The following FKBP5 variants were observed in gnomAD, a reference collection of about 807,000 sequenced individuals.
The protein encoded by FKBP5 is peptidyl-prolyl cis-trans isomerase FKBP5.
FKBP5 carries 23 observed loss-of-function variants against 50.5 expected under a neutral mutation model. That is an observed-to-expected ratio of 0.46 (90% confidence interval 0.33 to 0.65). FKBP5 has a LOEUF of 0.65. Among genes scored for constraint, FKBP5 ranks in the 30% least tolerant of loss-of-function variants. The pLI is 0.02. For missense variants in FKBP5, 411 were observed against 553.1 expected, an observed-to-expected ratio of 0.74 and a Z score of 2.58; for synonymous variants, 176 against 190.6, an observed-to-expected ratio of 0.92 and a Z score of 0.63.
At chr6:35,706,869 G>GC (rs1297886690) in intron 2 of FKBP5, among the ~76,000 whole-genome samples, 1 of 152,118 alleles carries the variant, frequency 6.6e-6, no homozygotes, top group African/African-American at 2.4e-5. Flanking sequence ...TTCAACATAT[G>GC]CAACAATTTA....
chr6:35,625,601 T>C lies in FKBP5; in HGVS notation c.251-5327A>G, dbSNP rs187516881. ...AATACAAAAAATTAGCCGGGCGTGG[T>C]GGTGAGTGCCTGTAGTCCCAGCTAC... On this transcript the variant is annotated intron_variant, in intron 3 of 10. Transcript: ENST00000357266. Among the ~76,000 whole-genome samples, 635 of 148,360 alleles carry C rather than the reference T, an allele frequency of 4.3e-3. 5 individuals are homozygous for C. Among genetic ancestry groups the C allele is most frequent in the African/African-American group, 0.015 (588 of 40,482 alleles).
At chr6:35,668,964 T>C (rs1211741056) in intron 1 of FKBP5, among the ~76,000 whole-genome samples, 1 of 152,100 alleles carries the variant, frequency 6.6e-6, no homozygotes, top group Non-Finnish European at 1.5e-5. Context: ...AACTAAAGAC[T>C]CCTGTAGGAA....
At chr6:35,722,667 C>G (rs1180974460) in intron 1 of FKBP5, among the ~76,000 whole-genome samples, 1 of 152,214 alleles carries the variant, frequency 6.6e-6, no homozygotes, top group South Asian at 2.1e-4. Flanking sequence ...GGCTGCTTCA[C>G]GCCTGTGTGC....
At position 35,635,666 on chromosome 6, in the gene FKBP5, T is replaced by C. The variant is rs567841747; in HGVS notation, c.250+1348A>G. On this transcript the variant is annotated intron_variant, in intron 3 of 10. Coordinates refer to ENST00000357266, the MANE Select transcript of FKBP5 (RefSeq NM_004117.4). Reference sequence around the variant, plus strand: ...CCCCATGTTAATATAAGTAATTTAATTTTGTACAAAGTATTTGTATATTTT... The same window carrying C: ...CCCCATGTTAATATAAGTAATTTAACTTTGTACAAAGTATTTGTATATTTT... Among the ~76,000 whole-genome samples the C allele has an allele frequency of 2.6e-5, 4 of 152,254 alleles. No homozygotes were observed. In the East Asian group the frequency reaches 7.7e-4, roughly 29 times the overall value.
intron 1 of FKBP5, among the ~76,000 whole-genome samples, chr6:35,669,079 CTAAG>C (rs1050212694): frequency 6.6e-6 from 1 of 152,134 alleles, no homozygotes; most frequent in Non-Finnish European, 1.5e-5. Context: ...CTTCTCAACT[CTAAG>C]AAAGCTATAG....
chr6:35,612,268 G>A (rs1247664329), intron 5 of FKBP5, among the ~76,000 whole-genome samples: 2 of 152,162 alleles, frequency 1.3e-5, no homozygotes, highest in African/African-American at 4.8e-5. Context: ...GCACGTGCCT[G>A]TAGTCCTAGC....
At chr6:35,608,293 G>A (rs1309217772) in intron 5 of FKBP5, among the ~76,000 whole-genome samples, 1 of 151,848 alleles carries the variant, frequency 6.6e-6, no homozygotes, top group East Asian at 1.9e-4. Context: ...TTCAATAGAA[G>A]CCCAAACCTC....
intron 7 of FKBP5, among the ~76,000 whole-genome samples, chr6:35,588,047 C>T (rs1331268465): frequency 4.0e-5 from 6 of 149,148 alleles, no homozygotes; most frequent in East Asian, 1.9e-4. Flanking sequence ...TTTTTTGAGA[C>T]GGAGTTTCGC....
rs1034843794 is a variant in FKBP5 at position 35,573,934 on chromosome 6, G to A, written c.*1901C>T. ...AGACAGCTGGCATCATCTGAGTCTT[G>A]GAATAGCTTTCTTGTTTGTTATCTG... On this transcript the variant is annotated 3_prime_UTR_variant, in exon 11 of 11. Transcript: ENST00000357266. 6.6e-6 allele frequency: 1 copy of A among 152,112 alleles called. No homozygotes were observed. The highest frequency in any genetic ancestry group is 6.6e-5 in the Admixed American group (1 of 15,262). The allele number at this position is 152,112 out of a possible 1,614,324, so 9.4% of individuals were successfully genotyped here.
rs11333201 is a variant in FKBP5, at chr6:35,662,449, A to AT, written c.-19-19607dup. Among the ~76,000 whole-genome samples the AT allele has an allele frequency of 3.5e-3, 482 of 135,976 alleles. 4 individuals carry two copies. Among genetic ancestry groups the AT allele is most frequent in the Admixed American group, 0.01 (136 of 13,582 alleles). 89.2% of individuals were successfully genotyped at this position (135,976 alleles called of 152,430 possible). ...ACAACCACACCCAGCTAATTTTTTA[A>AT]TTTTTTTTTTTTTTTGTAGAGACAA... On this transcript the variant is annotated intron_variant, in intron 1 of 10. Coordinates refer to ENST00000357266, the MANE Select transcript of FKBP5 (RefSeq NM_004117.4).
rs1053008981 is a variant in FKBP5, at chr6:35,637,763, T to C, written c.106-605A>G. Among the ~76,000 whole-genome samples, 3 of 152,070 alleles carry C rather than the reference T, an allele frequency of 2.0e-5. No individual in the cohort carries two copies. The East Asian group carries it at 5.8e-4, about 29-fold the overall frequency. ...AAGCATGAGCCACCGCGCCCGACAC[T>C]AAACTCTCTAACACAGGCTTGTGAG... is the stretch of plus-strand genomic sequence containing the variant. On this transcript the variant is annotated intron_variant, in intron 2 of 10. Coordinates refer to ENST00000357266, the MANE Select transcript of FKBP5 (RefSeq NM_004117.4).
chr6:35,623,533 T>C lies in FKBP5; in HGVS notation c.251-3259A>G, dbSNP rs180706998. Among the ~76,000 whole-genome samples the C allele has an allele frequency of 1.7e-3, 260 of 152,284 alleles. 2 individuals are homozygous for C. Among genetic ancestry groups the C allele is most frequent in the Middle Eastern group, 0.014 (4 of 294 alleles). ...AAGGTGATATGCATTTTAAATTTGA[T>C]AGTTATTGCCCAACTGTCTTTACGA... On this transcript the variant is annotated intron_variant, in intron 3 of 10. Coordinates refer to ENST00000357266, the MANE Select transcript of FKBP5 (RefSeq NM_004117.4).
At chr6:35,694,601 C>G (rs1766053634) in intron 2 of FKBP5, among the ~76,000 whole-genome samples, 1 of 152,170 alleles carries the variant, frequency 6.6e-6, no homozygotes, top group African/African-American at 2.4e-5. Context: ...GGGGCACCAG[C>G]AGTCTGGGAT....
At chr6:35,667,057 G>A (rs1163271517) in intron 1 of FKBP5, among the ~76,000 whole-genome samples, 4 of 132,548 alleles carry the variant, frequency 3.0e-5, no homozygotes, top group African/African-American at 8.5e-5. Context: ...GTGTGTGTGT[G>A]TATACATAGA....
At chr6:35,690,157 C>A (rs971716016), upstream of FKBP5, among the ~76,000 whole-genome samples, 4 of 152,216 alleles carry the variant, frequency 2.6e-5, no homozygotes, top group Admixed American at 2.6e-4. Context: ...CCAGAAATCG[C>A]CATGCTGCCT....
At chr6:35,647,978 G>A (rs1040225676) in intron 1 of FKBP5, among the ~76,000 whole-genome samples, 3 of 151,988 alleles carry the variant, frequency 2.0e-5, no homozygotes, top group Non-Finnish European at 2.9e-5. Flanking sequence ...GATAGACTTC[G>A]GACATTTTGG....
At chr6:35,629,269 C>G in intron 3 of FKBP5, among the ~76,000 whole-genome samples, 1 of 152,148 alleles carries the variant, frequency 6.6e-6, no homozygotes, top group Admixed American at 6.5e-5. Flanking sequence ...CCACGCCTGG[C>G]TAATTTTTGT....
At chr6:35,700,378 TCAC>T (rs1766158795) in intron 2 of FKBP5, among the ~76,000 whole-genome samples, 1 of 152,230 alleles carries the variant, frequency 6.6e-6, no homozygotes, top group Admixed American at 6.5e-5. Flanking sequence ...TGGCACAACA[TCAC>T]TACCACTATA....
chr6:35,673,827 T>C lies in FKBP5; in HGVS notation c.-20+14977A>G, dbSNP rs901628641. Among the ~76,000 whole-genome samples the C allele has an allele frequency of 5.9e-5, 9 of 152,324 alleles. No individual in the cohort carries two copies. In the South Asian group the frequency reaches 1.9e-3, roughly 32 times the overall value. The stretch of plus-strand genomic sequence containing the variant: ...ATAGTAATAACAGAAAATTTATTTA[T>C]TGTACTACTATAATTCCCACCCAGA... On this transcript the variant is annotated intron_variant, in intron 1 of 10. Coordinates refer to ENST00000357266, the MANE Select transcript of FKBP5 (RefSeq NM_004117.4).
Sources: gnomAD v4.1 joint callset for allele counts (sites outside exome capture counted in the v4.1 genomes callset) on GRCh38, gnomAD v4.1.1 for gene constraint, MANE v1.5 for transcripts, NCBI Gene and HGNC (gene_info 2026-07-23, HGNC 2026-07-21) for gene names.